OLR1: variants seen among roughly 807,000 people sequenced by gnomAD.
OLR1 encodes oxidized low density lipoprotein receptor 1.
In OLR1, 23 loss-of-function variants were observed where a neutral mutation model predicts 31.7. That is an observed-to-expected ratio of 0.72 (90% CI 0.52 to 1.03). OLR1 has a LOEUF of 1.03. Ranked by LOEUF, OLR1 falls within the 50% of genes least tolerant of loss-of-function variation. The pLI, the probability that OLR1 is intolerant of heterozygous loss-of-function variation, is 0.00. For missense variants in OLR1, 286 were observed against 315.7 expected (o/e 0.91, Z 0.71); for synonymous variants, 117 against 115.8 (o/e 1.01, Z -0.07).
At chr12:10,162,963 G>GTGTA (rs1198402470) in intron 3 of OLR1, among the ~76,000 whole-genome samples, 3 of 151,914 alleles carry the variant, frequency 2.0e-5, no homozygotes, top group South Asian at 2.1e-4. Context: ...CTTTGTGTGT[G>GTGTA]TGTGTGTGTG....
At position 10,167,062 on chromosome 12, in the gene OLR1, T is replaced by C. The variant is rs149259366; in HGVS notation, c.179-105A>G. 1.6e-4 allele frequency: 182 copies of C among 1,127,560 alleles called. No individual in the cohort carries two copies. In the East Asian group the frequency reaches 4.2e-3, roughly 26 times the overall value. The allele number at this position is 1,127,560 out of a possible 1,614,324, so 69.8% of individuals were successfully genotyped here. ...GAATTAAATCTATTTTGACAATAGATAAGCTGCTGAAAAATGACCCAGATT... is the reference window on the plus strand; with the variant it reads ...GAATTAAATCTATTTTGACAATAGACAAGCTGCTGAAAAATGACCCAGATT... On this transcript the variant is annotated intron_variant, in intron 2 of 5. Coordinates refer to ENST00000309539, the MANE Select transcript of OLR1 (RefSeq NM_002543.4).
rs371858766 is a variant in OLR1, at chr12:10,160,416, A to G, written c.611T>C (p.Met204Thr). ...GCTGGGGTTCCTCCGAGACAGCCCC[A>G]TCCAGAATGGAAAACTGGAATAGGA... Reference protein sequence around the residue: ...AISYSSFPFWMGLSRRNPSYP... With the variant: ...AISYSSFPFWTGLSRRNPSYP... The change falls in exon 5 of 6, where the codon ATG becomes ACG. Residue 204 changes from methionine to threonine, a missense_variant. By Grantham distance (81) the Met-to-Thr change is moderately conservative. Transcript: ENST00000309539. 12 of 1,613,862 alleles carry G rather than the reference A, an allele frequency of 7.4e-6. No individual in the cohort carries two copies. The highest frequency in any genetic ancestry group is 1.0e-5 in the Non-Finnish European group (12 of 1,179,964).
chr12:10,163,847 C>G (rs940088104), intron 3 of OLR1, among the ~76,000 whole-genome samples: 1 of 152,040 alleles, frequency 6.6e-6, no homozygotes, highest in African/African-American at 2.4e-5. Flanking sequence ...AGGAGAATTG[C>G]TTGACTCCGG....
intron 3 of OLR1, among the ~76,000 whole-genome samples, chr12:10,165,858 C>T (rs1187683072): frequency 1.3e-5 from 2 of 152,030 alleles, no homozygotes; most frequent in Non-Finnish European, 2.9e-5. Context: ...AAAAGGTATG[C>T]TTAATTAAAT....
chr12:10,176,105 C>T (rs1023490686), upstream of OLR1, among the ~76,000 whole-genome samples: 2 of 152,172 alleles, frequency 1.3e-5, no homozygotes, highest in African/African-American at 4.8e-5. Context: ...GAGACCATTT[C>T]CCTCTATCCC....
chr12:10,160,662 C>A lies in OLR1; in HGVS notation c.564+124G>T, dbSNP rs41340047. The A allele has an allele frequency of 2.8e-4, 359 of 1,279,210 alleles. 4 individuals carry two copies. In the South Asian group the frequency reaches 4.6e-3, roughly 16 times the overall value. The allele number at this position is 1,279,210 out of a possible 1,614,324, so 79.2% of individuals were successfully genotyped here. On this transcript the variant is annotated intron_variant, in intron 4 of 5. Coordinates refer to ENST00000309539, the MANE Select transcript of OLR1 (RefSeq NM_002543.4). ...CAAGGTCATACACAAAATTGGTGATCAGACTAAGCTAAAAAAACAGACATT... is the reference window on the plus strand; with the variant it reads ...CAAGGTCATACACAAAATTGGTGATAAGACTAAGCTAAAAAAACAGACATT...
At chr12:10,174,221 C>G (rs937898551), upstream of OLR1, among the ~76,000 whole-genome samples, 8 of 152,016 alleles carry the variant, frequency 5.3e-5, no homozygotes, top group Non-Finnish European at 4.4e-5. Flanking sequence ...CCACCCCTCC[C>G]GGCTAATTGT....
intron 4 of OLR1, 155 bp downstream of exon 4, chr12:10,160,631 T>G (rs1336608183): frequency 1.9e-6 from 2 of 1,047,374 alleles, no homozygotes; most frequent in Non-Finnish European, 2.9e-6. Flanking sequence ...ACAGAGCCTG[T>G]CCGTCCAAGG....
At chr12:10,164,202 G>A (rs1340109104) in intron 3 of OLR1, among the ~76,000 whole-genome samples, 5 of 152,180 alleles carry the variant, frequency 3.3e-5, no homozygotes, top group Admixed American at 6.5e-5. Context: ...TGGTTAGTAC[G>A]TGGTTATGTC....
intron 2 of OLR1, among the ~76,000 whole-genome samples, chr12:10,168,806 T>C (rs1591983113): frequency 6.6e-6 from 1 of 152,184 alleles, no homozygotes; most frequent in South Asian, 2.1e-4. Context: ...TCCATGAAGT[T>C]ATGAAAACAA....
intron 2 of OLR1, among the ~76,000 whole-genome samples, chr12:10,168,757 G>A (rs1373083175): frequency 6.6e-6 from 1 of 152,166 alleles, no homozygotes; most frequent in East Asian, 1.9e-4. Context: ...GCCTCCCAAA[G>A]TGCTGGGATT....
intron 2 of OLR1, among the ~76,000 whole-genome samples, chr12:10,168,629 G>T (rs1948682106): frequency 6.6e-6 from 1 of 152,144 alleles, no homozygotes; most frequent in South Asian, 2.1e-4. Context: ...GAGTAGCTGG[G>T]ATTACAAGCA....
chr12:10,169,407 T>C (rs1948690826), intron 1 of OLR1, among the ~76,000 whole-genome samples: 1 of 152,216 alleles, frequency 6.6e-6, no homozygotes, highest in Non-Finnish European at 1.5e-5. Context: ...AATTTACCCA[T>C]GGTCACACAG....
rs1245765749 is a variant in OLR1, at chr12:10,165,904, T to A, written c.424+808A>T. ...AAGGATTTGACACAGCATAGGGTGG[T>A]TCTGATTAAAAATTTAGAACTTCTT... On this transcript the variant is annotated intron_variant, in intron 3 of 5. Transcript: ENST00000309539. Among the ~76,000 whole-genome samples, 3 of 152,034 alleles carry A rather than the reference T, an allele frequency of 2.0e-5. 1 individual carries two copies. Among genetic ancestry groups the A allele is most frequent in the Non-Finnish European group, 4.4e-5 (3 of 67,998 alleles).
chr12:10,167,613 C>T (rs3912640), intron 2 of OLR1: 18,536 of 152,108 alleles, frequency 0.12, 1,718 homozygotes, highest in East Asian at 0.37. Flanking sequence ...ATGTCATTAG[C>T]GATTTACTCT....
At position 10,171,973 on chromosome 12, in the gene OLR1, C is replaced by A. The variant is rs766392306; in HGVS notation, c.76+29G>T. On this transcript the variant is annotated intron_variant, in intron 1 of 5. Transcript: ENST00000309539. ...TTTGGGGCTAACACTGGGATTCTTT[C>A]CCTGTACACATTTTCCCATCCCTAG... 7.7e-6 allele frequency: 12 copies of A among 1,551,368 alleles called. No individual in the cohort carries two copies. In the South Asian group the frequency reaches 1.3e-4, roughly 17 times the overall value.
intron 3 of OLR1, among the ~76,000 whole-genome samples, chr12:10,163,718 A>G (rs11053651): frequency 0.44 from 66,700 of 151,428 alleles, 16,531 homozygotes; most frequent in Middle Eastern, 0.58. Context: ...GGATCACGAG[A>G]TCAGGGGTTC....
At chr12:10,171,390 T>C (rs1470526326) in intron 1 of OLR1, among the ~76,000 whole-genome samples, 1 of 152,232 alleles carries the variant, frequency 6.6e-6, no homozygotes, top group Non-Finnish European at 1.5e-5. Flanking sequence ...ATTTAATTAC[T>C]GTATGGGTCA....
upstream of OLR1, among the ~76,000 whole-genome samples, chr12:10,173,018 TA>T (rs1948736363): frequency 6.6e-6 from 1 of 152,198 alleles, no homozygotes; most frequent in African/African-American, 2.4e-5. Context: ...ACTTGGAGCA[TA>T]ATAAGAAGCC....
Sources: allele counts gnomAD v4.1 joint callset (sites outside exome capture counted in the v4.1 genomes callset), GRCh38; gene constraint gnomAD v4.1.1; transcripts MANE v1.5; gene names NCBI Gene and HGNC (gene_info 2026-07-23, HGNC 2026-07-21).